The following TMPRSS7 variants were observed in gnomAD, a reference collection of about 807,000 sequenced individuals.
TMPRSS7 encodes transmembrane serine protease 7, also known as transmembrane protease serine 7.
TMPRSS7 carries 81 observed loss-of-function variants against 95.6 expected under a neutral mutation model. The observed-to-expected ratio is 0.85, with a 90% CI of 0.71 to 1.02. TMPRSS7 has a LOEUF of 1.02. Ranked by LOEUF, TMPRSS7 falls within the 50% of genes least tolerant of loss-of-function variation. The probability of loss-of-function intolerance (pLI) is 0.00; values close to 1 mark genes in which losing one functional copy is unlikely to be tolerated. For synonymous variants in TMPRSS7, 364 were observed against 337.8 expected, an observed-to-expected ratio of 1.08 and a Z score of -0.85; for missense variants, 945 against 955.2, an observed-to-expected ratio of 0.99 and a Z score of 0.14.
intron 2 of TMPRSS7, among the ~76,000 whole-genome samples, chr3:112,038,731 C>T (rs1314310704): frequency 1.3e-5 from 2 of 152,182 alleles, no homozygotes; most frequent in African/African-American, 2.4e-5. Context: ...ATCCTCCCAC[C>T]TTGGCCTTCC....
chr3:112,060,384 C>G (rs1193120773), intron 10 of TMPRSS7, among the ~76,000 whole-genome samples: 1 of 152,136 alleles, frequency 6.6e-6, no homozygotes, highest in African/African-American at 2.4e-5. Context: ...CCTAATAAGC[C>G]TGGGAGCACT....
At chr3:112,079,574 C>T (rs1169223791) in intron 17 of TMPRSS7, among the ~76,000 whole-genome samples, 1 of 152,064 alleles carries the variant, frequency 6.6e-6, no homozygotes, top group East Asian at 1.9e-4. Context: ...AGTGTTCGTA[C>T]ATTTTATGTG....
chr3:112,059,575 T>C (rs1020178574), intron 10 of TMPRSS7, among the ~76,000 whole-genome samples: 1 of 152,204 alleles, frequency 6.6e-6, no homozygotes, highest in Admixed American at 6.5e-5. Context: ...CAGCATGTTT[T>C]TATGGGCACA....
intron 13 of TMPRSS7, among the ~76,000 whole-genome samples, chr3:112,070,257 G>T (rs897188827): frequency 2.6e-5 from 4 of 152,150 alleles, no homozygotes; most frequent in Non-Finnish European, 5.9e-5. Flanking sequence ...CAATTATGTG[G>T]TCAATTTTAG....
exon 9 of TMPRSS7, chr3:112,050,766 T>C (rs1249589169): frequency 1.9e-6 from 3 of 1,596,358 alleles, no homozygotes; most frequent in Admixed American, 3.5e-5. Context: ...AAAATGCAAG[T>C]GTACCTGGAA....
intron 9 of TMPRSS7, among the ~76,000 whole-genome samples, chr3:112,054,570 T>C (rs1199681877): frequency 6.6e-6 from 1 of 152,116 alleles, no homozygotes; most frequent in Non-Finnish European, 1.5e-5. Flanking sequence ...ACTCTGTGGA[T>C]TGGAAGGTAG....
At chr3:112,060,374 C>G (rs1474024197) in intron 10 of TMPRSS7, among the ~76,000 whole-genome samples, 1 of 152,140 alleles carries the variant, frequency 6.6e-6, no homozygotes, top group Non-Finnish European at 1.5e-5. Flanking sequence ...ATTTCCTCGT[C>G]CTAATAAGCC....
At position 112,041,919 on chromosome 3, in the gene TMPRSS7, G is replaced by A; in HGVS notation, c.299-1G>A. 6.5e-7 allele frequency: 1 copy of A among 1,533,168 alleles called. No individual in the cohort carries two copies. The highest frequency in any genetic ancestry group is 2.0e-5 in the Admixed American group (1 of 50,974). The allele number at this position is 1,533,168 out of a possible 1,614,324, so 95.0% of individuals were successfully genotyped here. A position where few individuals can be genotyped will look rare whatever the true frequency, so the allele number is the denominator to read the frequency against. ...GAATCTTGTTCTTTCCTATTTTACA[G>A]GTAAAACAGAAAGCAAAGATGCTTT... is the stretch of plus-strand genomic sequence containing the variant. On this transcript the variant is annotated splice_acceptor_variant, in intron 2 of 17. Transcript: ENST00000452346. LOFTEE classifies it high-confidence loss of function.
At chr3:112,039,030 A>G (rs2073179998) in intron 2 of TMPRSS7, among the ~76,000 whole-genome samples, 1 of 152,194 alleles carries the variant, frequency 6.6e-6, no homozygotes, top group Admixed American at 6.5e-5. Context: ...GTTTCTAGGC[A>G]ACCTTGAATT....
chr3:112,035,849 T>A (rs576338692), intron 1 of TMPRSS7, among the ~76,000 whole-genome samples: 1 of 152,190 alleles, frequency 6.6e-6, no homozygotes, highest in African/African-American at 2.4e-5. Context: ...ACTATGCACA[T>A]CAATACACTT....
At chr3:112,058,349 G>A (rs1471614741) in intron 10 of TMPRSS7, among the ~76,000 whole-genome samples, 1 of 152,122 alleles carries the variant, frequency 6.6e-6, no homozygotes, top group Non-Finnish European at 1.5e-5. Flanking sequence ...CTATGTTGTG[G>A]GAGTCAGAAG....
chr3:112,042,055 G>C lies in TMPRSS7; in HGVS notation c.429+5G>C, dbSNP rs767354212. ...TCACGGACTGTGCAGCAAGTGGTGA[G>C]GCGATGGAGGTAGAGGGTATTAGGG... On this transcript the variant is annotated splice_donor_5th_base_variant and intron_variant, in intron 3 of 17. Transcript: ENST00000452346. 2.6e-6 allele frequency: 4 copies of C among 1,551,308 alleles called. No homozygotes were observed. The South Asian group carries it at 4.8e-5, about 18-fold the overall frequency.
chr3:112,056,643 TATCTAAAG>T (rs1324229953), intron 9 of TMPRSS7, among the ~76,000 whole-genome samples: 1 of 146,634 alleles, frequency 6.8e-6, no homozygotes. Context: ...ATTTCTCCTT[TATCTAAAG>T]AATCTGAATG....
intron 3 of TMPRSS7, among the ~76,000 whole-genome samples, chr3:112,042,545 C>T (rs1054133654): frequency 6.6e-6 from 1 of 152,148 alleles, no homozygotes; most frequent in Non-Finnish European, 1.5e-5. Flanking sequence ...TCACCGGAGA[C>T]AAAGCCCCTT....
At chr3:112,069,307 C>G (rs2073613373) in intron 13 of TMPRSS7, among the ~76,000 whole-genome samples, 1 of 151,516 alleles carries the variant, frequency 6.6e-6, no homozygotes, top group Admixed American at 6.6e-5. Flanking sequence ...GTGTCTCTGC[C>G]AGGCTTTGGT....
At chr3:112,059,008 G>A (rs1373754666) in intron 10 of TMPRSS7, among the ~76,000 whole-genome samples, 2 of 152,216 alleles carry the variant, frequency 1.3e-5, no homozygotes, top group African/African-American at 2.4e-5. Flanking sequence ...ACACCTTGCT[G>A]AGCAGTTAGC....
intron 9 of TMPRSS7, among the ~76,000 whole-genome samples, chr3:112,055,242 T>G (rs557587041): frequency 4.2e-4 from 64 of 152,160 alleles, no homozygotes; most frequent in African/African-American, 1.5e-3. Flanking sequence ...GAATCTGTGG[T>G]CTGCATTTTT....
chr3:112,054,809 G>A (rs1453203038), intron 9 of TMPRSS7, among the ~76,000 whole-genome samples: 1 of 119,430 alleles, frequency 8.4e-6, no homozygotes, highest in South Asian at 2.9e-4. Flanking sequence ...GGCACATCTC[G>A]GCTCACTGCA....
At chr3:112,045,150 A>AT (rs1553762666) in intron 4 of TMPRSS7, among the ~76,000 whole-genome samples, 4 of 151,954 alleles carry the variant, frequency 2.6e-5, no homozygotes, top group Non-Finnish European at 4.4e-5. Context: ...AATGGTTTTA[A>AT]TTTTTTTTCT....
Sources: allele counts gnomAD v4.1 joint callset (sites outside exome capture counted in the v4.1 genomes callset), GRCh38; gene constraint gnomAD v4.1.1; transcripts MANE v1.5; gene names NCBI Gene and HGNC (gene_info 2026-07-23, HGNC 2026-07-21).